Variants in IGSF10 observed in about 807,000 individuals in gnomAD.
IGSF10 encodes calvaria mechanical force protein 608.
A neutral mutation model predicts 128.2 loss-of-function variants in IGSF10; 126 were observed. The observed-to-expected ratio is 0.98, with a 90% CI of 0.85 to 1.14. The LOEUF is 1.14. IGSF10 is among the 50% of genes most tolerant of loss of function. The probability of loss-of-function intolerance (pLI) is 0.00; values close to 1 mark genes in which losing one functional copy is unlikely to be tolerated. For missense variants in IGSF10, 3,295 were observed against 3,149.8 expected (o/e 1.05, Z -1.10); for synonymous variants, 1,185 against 1,146.2 (o/e 1.03, Z -0.68).
At chr3:151,503,237 G>C in the IGSF10 span, among the ~76,000 whole-genome samples, 4 of 152,044 alleles carry the variant, frequency 2.6e-5, no homozygotes, top group African/African-American at 9.6e-5. Context: ...TACTGTCAAA[G>C]ATAATCAGGC....
chr3:151,561,394 T>C, the IGSF10 span, among the ~76,000 whole-genome samples: 4 of 152,186 alleles, frequency 2.6e-5, no homozygotes, highest in Admixed American at 6.6e-5. Context: ...ATCTCTATTA[T>C]GAAGAATCTA....
the IGSF10 span, among the ~76,000 whole-genome samples, chr3:151,508,789 G>A: frequency 7.2e-5 from 11 of 152,128 alleles, no homozygotes; most frequent in Non-Finnish European, 1.2e-4. Context: ...TACATGGGAA[G>A]CACTGTCAAA....
the IGSF10 span, among the ~76,000 whole-genome samples, chr3:151,524,024 C>T: frequency 1.3e-5 from 2 of 152,094 alleles, no homozygotes; most frequent in African/African-American, 2.4e-5. Flanking sequence ...AGAAGACATA[C>T]AAGTGGCCAA....
At chr3:151,499,377 T>TA in the IGSF10 span, among the ~76,000 whole-genome samples, 11 of 152,086 alleles carry the variant, frequency 7.2e-5, no homozygotes, top group Admixed American at 2.0e-4. Context: ...TTTTCTGCAA[T>TA]AAAAAACACG....
the IGSF10 span, among the ~76,000 whole-genome samples, chr3:151,493,217 G>A: frequency 2.0e-5 from 3 of 152,102 alleles, no homozygotes; most frequent in South Asian, 4.1e-4. Context: ...GTGATCTAAT[G>A]TACAACCTGA....
chr3:151,518,789 T>C, the IGSF10 span, among the ~76,000 whole-genome samples: 1 of 152,036 alleles, frequency 6.6e-6, no homozygotes, highest in Admixed American at 6.6e-5. Context: ...AGTTGGGTAT[T>C]GATAACTAAG....
At chr3:151,613,115 T>C in the IGSF10 span, among the ~76,000 whole-genome samples, 1 of 152,146 alleles carries the variant, frequency 6.6e-6, no homozygotes, top group Non-Finnish European at 1.5e-5. Context: ...ATAAAATACC[T>C]AAGAATCCAA....
chr3:151,523,460 A>C, the IGSF10 span, among the ~76,000 whole-genome samples: 2 of 152,136 alleles, frequency 1.3e-5, no homozygotes, highest in Admixed American at 1.3e-4. Context: ...GTACTGGTAC[A>C]AAAACAGGCA....
At chr3:151,534,636 A>T in the IGSF10 span, among the ~76,000 whole-genome samples, 1 of 133,434 alleles carries the variant, frequency 7.5e-6, no homozygotes, top group Non-Finnish European at 1.6e-5. Context: ...GGGGGTCATC[A>T]CACACTGGGG....
chr3:151,530,678 C>G, the IGSF10 span, among the ~76,000 whole-genome samples: 1 of 152,052 alleles, frequency 6.6e-6, no homozygotes, highest in Non-Finnish European at 1.5e-5. Flanking sequence ...AGATTTTGTC[C>G]CCACCAGGCC....
chr3:151,438,324 C>A lies in IGSF10; in HGVS notation c.6237G>T (p.Met2079Ile), dbSNP rs527825904. 6.2e-7 allele frequency: 1 copy of A among 1,614,176 alleles called. No homozygotes were observed. The highest frequency in any genetic ancestry group is 8.5e-7 in the Non-Finnish European group (1 of 1,180,028). The change falls in exon 8 of 8, where the codon ATG becomes ATT. Residue 2079 changes from methionine (M) to isoleucine (I), a missense_variant. Coordinates refer to ENST00000282466, the MANE Select transcript of IGSF10 (RefSeq NM_178822.5). ...EISWSLPDGTMINNAMQADDS... is the reference protein window; with the variant it reads ...EISWSLPDGTIINNAMQADDS... ...CATCGGCTTGCATTGCATTGTTGATCATGGTTCCATCAGGCAAACTCCAAG... is the reference window on the plus strand; with the variant it reads ...CATCGGCTTGCATTGCATTGTTGATAATGGTTCCATCAGGCAAACTCCAAG...
At chr3:151,513,484 C>T in the IGSF10 span, among the ~76,000 whole-genome samples, 1 of 152,142 alleles carries the variant, frequency 6.6e-6, no homozygotes, top group Non-Finnish European at 1.5e-5. Context: ...ATAATAAGAG[C>T]TATCTATGAC....
chr3:151,444,509 CA>C (rs1721069938), intron 6 of IGSF10, among the ~76,000 whole-genome samples: 1 of 152,040 alleles, frequency 6.6e-6, no homozygotes, highest in African/African-American at 2.4e-5. Flanking sequence ...GGGGTTTCAC[CA>C]TGTTGGCCAG....
At chr3:151,544,958 C>T in the IGSF10 span, among the ~76,000 whole-genome samples, 1 of 151,974 alleles carries the variant, frequency 6.6e-6, no homozygotes, top group Non-Finnish European at 1.5e-5. Flanking sequence ...CCATCTGTCT[C>T]TTGGTTTCTG....
In IGSF10 at chr3:151,446,999, A is replaced by G; in HGVS notation, c.2982T>C (p.Phe994=). Reference sequence around the variant, plus strand: ...TAACTGTACTATTTCTAGGGATCGGAAACTGAGAATGAGCAGCTGTGTGTG... The same window carrying G: ...TAACTGTACTATTTCTAGGGATCGGGAACTGAGAATGAGCAGCTGTGTGTG... The part of the protein sequence containing the change: ...SDPHTAAHSQ[F]PIPRNSTVNI... Residue 994 remains phenylalanine (F), a synonymous_variant, in exon 6 of 8, where the codon TTT becomes TTC. Transcript: ENST00000282466. 6.2e-7 allele frequency: 1 copy of G among 1,614,170 alleles called. No individual in the cohort carries two copies. The highest frequency in any genetic ancestry group is 8.5e-7 in the Non-Finnish European group (1 of 1,180,022).
Position 151,458,616 on chromosome 3 carries a change from G to A in IGSF10, c.94C>T (p.Arg32Cys), listed in dbSNP as rs748380987. ...ATPGGKACPR[R>C]CACYMPTEVH... Reference sequence around the variant, plus strand: ...TCCGTAGGCATATAACAGGCACAGCGGCGAGGACAGGCCTTGCCCCCAGGG... The same window carrying A: ...TCCGTAGGCATATAACAGGCACAGCAGCGAGGACAGGCCTTGCCCCCAGGG... Residue 32 changes from arginine (R) to cysteine (C), a missense_variant, in exon 3 of 8, where the codon CGC (arginine) becomes TGC (cysteine). Physicochemically the swap from Arg to Cys is radical, Grantham distance 180. Transcript: ENST00000282466. 9 of 1,613,996 alleles carry A rather than the reference G, an allele frequency of 5.6e-6. No individual in the cohort carries two copies. The highest frequency in any genetic ancestry group is 3.3e-5 in the South Asian group (3 of 91,080).
the IGSF10 span, among the ~76,000 whole-genome samples, chr3:151,534,801 A>ATGTGTGTGTGTGTGTG: frequency 6.7e-6 from 1 of 149,078 alleles, no homozygotes; most frequent in African/African-American, 2.5e-5. Context: ...TTTAAAGTGT[A>ATGTGTGTGTGTGTGTG]TGTGTGTGTG....
the IGSF10 span, among the ~76,000 whole-genome samples, chr3:151,591,602 G>A: frequency 6.6e-6 from 1 of 151,842 alleles, no homozygotes; most frequent in African/African-American, 2.4e-5. Context: ...TCTAGAAGTG[G>A]GAGTTGAACT....
chr3:151,495,471 T>G, the IGSF10 span, among the ~76,000 whole-genome samples: 1 of 152,116 alleles, frequency 6.6e-6, no homozygotes, highest in African/African-American at 2.4e-5. Flanking sequence ...TCAAGCTTAA[T>G]GGTAGAATTT....
Sources: gnomAD v4.1 joint callset for allele counts (sites outside exome capture counted in the v4.1 genomes callset) on GRCh38, gnomAD v4.1.1 for gene constraint, MANE v1.5 for transcripts, NCBI Gene and HGNC (gene_info 2026-07-23, HGNC 2026-07-21) for gene names.